Variants in GALNT2 observed in about 807,000 individuals in gnomAD.
GALNT2 encodes UDP-GalNAc:polypeptide N-acetylgalactosaminyltransferase 2.
In GALNT2, 31 loss-of-function variants were observed where a neutral mutation model predicts 81.4. The ratio of observed to expected loss-of-function variants is 0.38; its 90% CI spans 0.29 to 0.51. GALNT2 has a LOEUF of 0.51. Ranked by LOEUF, GALNT2 falls within the 20% of genes least tolerant of loss-of-function variation. The pLI is 0.87. For missense variants in GALNT2, 629 were observed against 765.7 expected (o/e 0.82, Z 2.11); for synonymous variants, 303 against 287.4 (o/e 1.05, Z -0.55).
intron 2 of GALNT2, among the ~76,000 whole-genome samples, chr1:230,190,129 G>A (rs1248120209): frequency 6.6e-6 from 1 of 152,236 alleles, no homozygotes; most frequent in Non-Finnish European, 1.5e-5. Flanking sequence ...GGCTGTCAGT[G>A]TCTTTAGGGA....
chr1:230,227,409 C>CA, intron 3 of GALNT2, among the ~76,000 whole-genome samples: 1 of 150,312 alleles, frequency 6.7e-6, no homozygotes, highest in East Asian at 2.0e-4. Context: ...AATCCTAAAC[C>CA]AAATACTAGC....
intron 1 of GALNT2, 36 bp downstream of exon 1, chr1:230,067,442 GC>G: frequency 1.1e-6 from 1 of 885,048 alleles, no homozygotes; most frequent in Non-Finnish European, 1.5e-6. Flanking sequence ...GGGCCCCTGC[GC>G]CCACCCCCCA....
intron 1 of GALNT2, among the ~76,000 whole-genome samples, chr1:230,099,182 C>T (rs1458959722): frequency 6.6e-6 from 1 of 152,208 alleles, no homozygotes; most frequent in African/African-American, 2.4e-5. Context: ...TGCTCTGTGC[C>T]TGCTGTTGGC....
chr1:230,145,301 C>T (rs370362449), intron 1 of GALNT2, among the ~76,000 whole-genome samples: 2 of 152,306 alleles, frequency 1.3e-5, no homozygotes, highest in East Asian at 3.9e-4. Context: ...GCACTGTCAG[C>T]TCCCCTGACC....
At chr1:230,112,836 T>C (rs1001216609) in intron 1 of GALNT2, among the ~76,000 whole-genome samples, 1 of 152,140 alleles carries the variant, frequency 6.6e-6, no homozygotes, top group Non-Finnish European at 1.5e-5. Context: ...GGTCCACTCT[T>C]GGGCTGTGAG....
At chr1:230,072,659 T>TG (rs1659410969) in intron 1 of GALNT2, among the ~76,000 whole-genome samples, 1 of 152,224 alleles carries the variant, frequency 6.6e-6, no homozygotes, top group African/African-American at 2.4e-5. Flanking sequence ...GGAAACACAC[T>TG]GGCTTAGCCA....
chr1:230,113,645 C>G (rs759354931), intron 1 of GALNT2, among the ~76,000 whole-genome samples: 4 of 152,084 alleles, frequency 2.6e-5, no homozygotes, highest in Non-Finnish European at 2.9e-5. Flanking sequence ...CTCAGAGTAT[C>G]TTGGGGCTGA....
rs1189739842 is a variant in GALNT2, at chr1:230,267,139, TTC to T, written c.1440+1774_1440+1775del. On this transcript the variant is annotated intron_variant, in intron 14 of 15. Coordinates refer to ENST00000366672, the MANE Select transcript of GALNT2 (RefSeq NM_004481.5). Reference sequence around the variant, plus strand: ...CTCATGTGCTGCTTCTTTCTTCTTTTTCTGTTACTCAGATGCAGAGCTTGTTT... The same window carrying T: ...CTCATGTGCTGCTTCTTTCTTCTTTTTGTTACTCAGATGCAGAGCTTGTTT... Among the ~76,000 whole-genome samples, 6 of 152,274 alleles carry T rather than the reference TTC, an allele frequency of 3.9e-5. No homozygotes were observed. In the East Asian group the frequency reaches 9.6e-4, roughly 24 times the overall value.
At chr1:230,113,220 G>T (rs1372497196) in intron 1 of GALNT2, among the ~76,000 whole-genome samples, 1 of 152,166 alleles carries the variant, frequency 6.6e-6, no homozygotes. Flanking sequence ...TGCCTGACTT[G>T]CTCTGTGTGG....
chr1:230,144,768 T>A (rs1188680850), intron 1 of GALNT2, among the ~76,000 whole-genome samples: 2 of 152,130 alleles, frequency 1.3e-5, no homozygotes, highest in Admixed American at 6.5e-5. Context: ...AGTGTTCTTA[T>A]GTGGGGTGAG....
chr1:230,234,248 G>A (rs1364388179), intron 3 of GALNT2, among the ~76,000 whole-genome samples: 1 of 152,086 alleles, frequency 6.6e-6, no homozygotes, highest in African/African-American at 2.4e-5. Flanking sequence ...TTGAGACAAA[G>A]TCCCTCCCTG....
chr1:230,102,312 T>A (rs1304186122), intron 1 of GALNT2, among the ~76,000 whole-genome samples: 2 of 152,138 alleles, frequency 1.3e-5, no homozygotes, highest in Non-Finnish European at 2.9e-5. Context: ...CTTGGCCTAA[T>A]GTACAGTTTT....
intron 2 of GALNT2, among the ~76,000 whole-genome samples, chr1:230,180,921 T>C (rs1663139394): frequency 6.6e-6 from 1 of 152,212 alleles, no homozygotes; most frequent in South Asian, 2.1e-4. Flanking sequence ...GTTACTGGTA[T>C]ATAGGAAAGC....
In GALNT2 at chr1:230,070,578, G is replaced by A. The variant is rs953315246; in HGVS notation, c.126+3172G>A. 5.7e-4 allele frequency among the ~76,000 whole-genome samples: 87 copies of A among 152,276 alleles called. No homozygotes were observed. The highest frequency in any genetic ancestry group is 2.0e-3 in the African/African-American group (83 of 41,556). On this transcript the variant is annotated intron_variant, in intron 1 of 15. Coordinates refer to ENST00000366672, the MANE Select transcript of GALNT2 (RefSeq NM_004481.5). The surrounding 1 kb of genome is among the most constrained non-coding windows in gnomAD (Gnocchi z 4.7). ...TTGAGGGACATGATCCGGAGCCCTG[G>A]GAGCCTGTCCACTTTGCACAGTAGC...
At chr1:230,182,193 TTG>T (rs111759132) in intron 2 of GALNT2, among the ~76,000 whole-genome samples, 17,020 of 134,664 alleles carry the variant, frequency 0.13, 1,007 homozygotes, top group South Asian at 0.2. Context: ...GTTTTTGTTT[TTG>T]TTTTTTTCTG....
At chr1:230,085,526 C>G (rs577994441) in intron 1 of GALNT2, among the ~76,000 whole-genome samples, 2 of 152,212 alleles carry the variant, frequency 1.3e-5, no homozygotes, top group Non-Finnish European at 2.9e-5. Flanking sequence ...GTTTCCCACT[C>G]GTAAGCCCCT....
upstream of GALNT2, chr1:230,067,186 T>G: frequency 2.6e-5 from 19 of 729,476 alleles, no homozygotes; most frequent in Non-Finnish European, 3.2e-5. Context: ...GCCCTTCCCC[T>G]TCCTCCGCTC....
chr1:230,089,810 C>G (rs952832521), intron 1 of GALNT2, among the ~76,000 whole-genome samples: 1 of 152,206 alleles, frequency 6.6e-6, no homozygotes, highest in African/African-American at 2.4e-5. Flanking sequence ...ATACATTACG[C>G]TGCTAACACG....
intron 1 of GALNT2, among the ~76,000 whole-genome samples, chr1:230,078,342 A>G (rs889341463): frequency 2.6e-5 from 4 of 152,248 alleles, no homozygotes; most frequent in South Asian, 2.1e-4. Flanking sequence ...CATGGAGTTC[A>G]TTCTACTGTT....
Sources: allele counts gnomAD v4.1 joint callset (sites outside exome capture counted in the v4.1 genomes callset), GRCh38; gene constraint gnomAD v4.1.1; non-coding constraint Gnocchi (gnomAD v3.1); transcripts MANE v1.5; gene names NCBI Gene and HGNC (gene_info 2026-07-23, HGNC 2026-07-21).